AP2A1: variants seen among roughly 807,000 people sequenced by gnomAD.
The protein encoded by AP2A1 is AP-2 complex subunit alpha-1.
Under a neutral mutation model 107.3 loss-of-function variants are expected in AP2A1, and 21 were observed. The ratio of observed to expected loss-of-function variants is 0.20; its 90% CI spans 0.14 to 0.28. AP2A1 has a LOEUF of 0.28. Ranked by LOEUF, AP2A1 falls within the 10% of genes least tolerant of loss-of-function variation. The pLI is 1.00. For synonymous variants in AP2A1, 602 were observed against 564.8 expected (o/e 1.07, Z -0.93); for missense variants, 873 against 1,307.7 (o/e 0.67, Z 5.13).
chr19:49,792,452 C>T (rs916532126), intron 5 of AP2A1, among the ~76,000 whole-genome samples: 1 of 151,960 alleles, frequency 6.6e-6, no homozygotes, highest in Non-Finnish European at 1.5e-5. Context: ...CCCCTCGGCG[C>T]TGACGTTCAC....
At position 49,806,163 on chromosome 19, in the gene AP2A1, C is replaced by A. The variant is rs757209939; in HGVS notation, c.2700C>A (p.Asn900Lys). 1.9e-6 allele frequency: 3 copies of A among 1,580,284 alleles called. No individual in the cohort carries two copies. Among genetic ancestry groups the A allele is most frequent in the Non-Finnish European group, 1.7e-6 (2 of 1,163,748 alleles). ...CTCTCCTGGACAATGTGGACCCCAA[C>A]CCTGAGAACTTCGTGGGGGCGGGGA... ...GSALLDNVDPNPENFVGAGII... is the reference protein window; with the variant it reads ...GSALLDNVDPKPENFVGAGII... The change falls in exon 22 of 23, where the codon AAC (asparagine) becomes AAA (lysine). Residue 900 changes from asparagine (N) to lysine (K), a missense_variant. Asn to Lys is a moderately conservative substitution (Grantham distance 94, BLOSUM62 0). This residue lies in a region of AP2A1 where 416 missense variants were observed against 473.4 expected (regional missense o/e 0.88). Coordinates refer to ENST00000354293, the MANE Select transcript of AP2A1 (RefSeq NM_130787.3).
At chr19:49,776,073 C>G (rs971470267) in intron 1 of AP2A1, among the ~76,000 whole-genome samples, 1 of 152,174 alleles carries the variant, frequency 6.6e-6, no homozygotes, top group South Asian at 2.1e-4. Context: ...CACCCGAACA[C>G]CCCTCACGGC....
chr19:49,783,462 G>T (rs901031785), intron 4 of AP2A1, among the ~76,000 whole-genome samples: 4 of 152,192 alleles, frequency 2.6e-5, no homozygotes, highest in African/African-American at 9.6e-5. Context: ...GTGTACTCCA[G>T]CTTGGTGTGC....
rs2073314221 is a variant in AP2A1, at chr19:49,803,194, G to GT, written c.2254+6dup. ...CAGAGTTCCGACAGAACCTGGGTGTGTCCCGGGGGACTGTGGGAATGGGTC... is the reference window on the plus strand; with the variant it reads ...CAGAGTTCCGACAGAACCTGGGTGTGTTCCCGGGGGACTGTGGGAATGGGTC... On this transcript the variant is annotated splice_donor_region_variant and intron_variant, in intron 17 of 22. Coordinates refer to ENST00000354293, the MANE Select transcript of AP2A1 (RefSeq NM_130787.3). 6.2e-7 allele frequency: 1 copy of GT among 1,613,994 alleles called. No homozygotes were observed. The highest frequency in any genetic ancestry group is 2.2e-5 in the East Asian group (1 of 44,884).
At chr19:49,770,263 C>T (rs957902523) in intron 1 of AP2A1, among the ~76,000 whole-genome samples, 22 of 152,080 alleles carry the variant, frequency 1.4e-4, no homozygotes, top group African/African-American at 5.1e-4. Context: ...CACTGCAGGA[C>T]CCCAGAGACG....
At chr19:49,793,298 C>T (rs1025006178) in intron 6 of AP2A1, among the ~76,000 whole-genome samples, 2 of 152,190 alleles carry the variant, frequency 1.3e-5, no homozygotes, top group Admixed American at 1.3e-4. Context: ...TCAGCTGCCC[C>T]CTGTGTTCAG....
intron 1 of AP2A1, 136 bp downstream of exon 1, chr19:49,767,336 G>GAAGAACTTTA: frequency 1.8e-6 from 2 of 1,134,608 alleles, no homozygotes; most frequent in Admixed American, 4.4e-5. Context: ...TGGGCCCCAG[G>GAAGAACTTTA]AAGAACTTTA....
chr19:49,793,206 C>G, intron 6 of AP2A1, 114 bp downstream of exon 6: 1 of 1,025,990 alleles, frequency 9.7e-7, no homozygotes, highest in Non-Finnish European at 1.4e-6. Flanking sequence ...GGTTTACAAA[C>G]TCAGGCTCTG....
At position 49,806,788 on chromosome 19, in the gene AP2A1, C is replaced by G; in HGVS notation, c.*30C>G. ...TGGACTCTGCCCCGGGGGATGTGGC[C>G]GGCACTGGGCAGCCCCTTGGACTGA... On this transcript the variant is annotated 3_prime_UTR_variant, in exon 23 of 23. Coordinates refer to ENST00000354293, the MANE Select transcript of AP2A1 (RefSeq NM_130787.3). The G allele has an allele frequency of 6.2e-7, 1 of 1,613,088 alleles. No homozygotes were observed.
chr19:49,798,696 C>T, intron 7 of AP2A1, 106 bp from the exon 8 acceptor site: 3 of 1,440,440 alleles, frequency 2.1e-6, no homozygotes, highest in Non-Finnish European at 2.8e-6. Flanking sequence ...CAGAGGCACC[C>T]CGAGCTCCTC....
At chr19:49,781,548 G>A (rs990097261) in intron 1 of AP2A1, among the ~76,000 whole-genome samples, 1 of 152,148 alleles carries the variant, frequency 6.6e-6, no homozygotes, top group African/African-American at 2.4e-5. Context: ...CCAAGGGTGT[G>A]TGCTCTGTGC....
At chr19:49,803,401 C>T (rs1375750594) in intron 18 of AP2A1, 25 bp downstream of exon 18, 3 of 1,597,504 alleles carry the variant, frequency 1.9e-6, no homozygotes, top group Non-Finnish European at 2.6e-6. Flanking sequence ...CCGGCCCAGC[C>T]TCCTGCCTCT....
At chr19:49,800,853 C>A in intron 11 of AP2A1, 108 bp from the exon 12 acceptor site, 1 of 897,322 alleles carries the variant, frequency 1.1e-6, no homozygotes, top group Non-Finnish European at 1.7e-6. Context: ...ATAACCCCAC[C>A]TGCAGCAGAG....
chr19:49,767,307 C>A, intron 1 of AP2A1, 107 bp downstream of exon 1: 1 of 1,371,444 alleles, frequency 7.3e-7, no homozygotes, highest in Non-Finnish European at 1.0e-6. Flanking sequence ...CCTCTGCGGC[C>A]GTATAGGGAC....
At chr19:49,783,736 C>G (rs10424031) in intron 4 of AP2A1, among the ~76,000 whole-genome samples, 6,656 of 152,212 alleles carry the variant, frequency 0.044, 490 homozygotes, top group African/African-American at 0.15. Flanking sequence ...GTTTTGGGGC[C>G]CTGCAGCCTC....
intron 8 of AP2A1, 124 bp from the exon 9 acceptor site, chr19:49,799,203 C>A: frequency 7.9e-7 from 1 of 1,265,896 alleles, no homozygotes; most frequent in Non-Finnish European, 1.1e-6. Context: ...TACTGCGATG[C>A]AAGGCCGGCA....
chr19:49,780,259 A>G (rs978155013), intron 1 of AP2A1, among the ~76,000 whole-genome samples: 1 of 152,234 alleles, frequency 6.6e-6, no homozygotes, highest in African/African-American at 2.4e-5. Flanking sequence ...AATGTACCAG[A>G]GAGGACTTCT....
chr19:49,806,994 G>GA lies in AP2A1; in HGVS notation c.*237dup. ...CTTTCCCCCCCAAGCACAGAGGGGA[G>GA]AGGGGCCAGGGAAGTGGATGTCTCC... On this transcript the variant is annotated 3_prime_UTR_variant, in exon 23 of 23. Transcript: ENST00000354293. 6.5e-7 allele frequency: 1 copy of GA among 1,526,894 alleles called. No homozygotes were observed. Among genetic ancestry groups the GA allele is most frequent in the Non-Finnish European group, 8.8e-7 (1 of 1,142,148 alleles). 94.6% of individuals were successfully genotyped at this position (1,526,894 alleles called of 1,614,324 possible).
chr19:49,791,939 A>G lies in AP2A1; in HGVS notation c.478A>G (p.Ser160Gly). The G allele has an allele frequency of 6.2e-7, 1 of 1,608,108 alleles. No individual in the cohort carries two copies. The highest frequency in any genetic ancestry group is 8.5e-7 in the Non-Finnish European group (1 of 1,178,236). The change falls in exon 5 of 23, where the codon AGC (serine) becomes GGC (glycine). Residue 160 changes from serine (S) to glycine (G), a missense_variant. Around this residue, in one of 4 missense-constraint regions of AP2A1, gnomAD observed 157 missense variants for 212.6 expected, o/e 0.74. Coordinates refer to ENST00000354293, the MANE Select transcript of AP2A1 (RefSeq NM_130787.3). ...DIPRILVAGD[S>G]MDSVKQSAAL... Reference sequence around the variant, plus strand: ...CCCTGCATGGTGTCCCCACAGGGACAGCATGGACAGTGTCAAGCAGAGTGC... The same window carrying G: ...CCCTGCATGGTGTCCCCACAGGGACGGCATGGACAGTGTCAAGCAGAGTGC...
Sources: allele counts gnomAD v4.1 joint callset (sites outside exome capture counted in the v4.1 genomes callset), GRCh38; gene constraint gnomAD v4.1.1; regional missense constraint gnomAD v4.1.1; transcripts MANE v1.5; gene names NCBI Gene and HGNC (gene_info 2026-07-23, HGNC 2026-07-21).